The following RBM19 variants were observed in gnomAD, a reference collection of about 807,000 sequenced individuals.
RBM19 encodes the protein RNA binding motif protein 19.
RBM19 carries 94 observed loss-of-function variants against 116.8 expected under a neutral mutation model. The observed-to-expected ratio is 0.80, with a 90% CI of 0.68 to 0.95. RBM19 has a LOEUF of 0.95. Among genes scored for constraint, RBM19 ranks in the 40% least tolerant of loss-of-function variants. The pLI, the probability that RBM19 is intolerant of heterozygous loss-of-function variation, is 0.00. For missense variants in RBM19, 1,161 were observed against 1,220.7 expected (o/e 0.95, Z 0.73); for synonymous variants, 475 against 494.1 (o/e 0.96, Z 0.51).
Position 113,966,277 on chromosome 12 carries a change from C to T in RBM19, c.-50G>A. 6.2e-7 allele frequency: 1 copy of T among 1,612,314 alleles called. No homozygotes were observed. The stretch of plus-strand genomic sequence containing the variant: ...TTCCAACACGACTGGTCAGCGTCTT[C>T]CACCAAGTTTCACGCTACCGCCCTG... On this transcript the variant is annotated 5_prime_UTR_variant, in exon 1 of 24. Coordinates refer to ENST00000261741, the MANE Select transcript of RBM19 (RefSeq NM_016196.4).
At chr12:113,936,562 T>G (rs771835322) in intron 16 of RBM19, among the ~76,000 whole-genome samples, 4 of 152,110 alleles carry the variant, frequency 2.6e-5, no homozygotes, top group Non-Finnish European at 5.9e-5. Flanking sequence ...GGGGTGGGGG[T>G]TGCCCTATCT....
intron 16 of RBM19, 62 bp downstream of exon 16, chr12:113,936,945 C>T: frequency 6.3e-7 from 1 of 1,584,112 alleles, no homozygotes; most frequent in Non-Finnish European, 8.6e-7. Flanking sequence ...ACGCTGCCCC[C>T]AACCCTCCTC....
chr12:113,894,940 C>T (rs1335214381), intron 21 of RBM19, among the ~76,000 whole-genome samples: 1 of 152,192 alleles, frequency 6.6e-6, no homozygotes, highest in Non-Finnish European at 1.5e-5. Context: ...AAGCACTTCC[C>T]CAAGCCTGCT....
intron 21 of RBM19, among the ~76,000 whole-genome samples, chr12:113,865,815 T>G (rs1878753630): frequency 6.7e-6 from 1 of 149,554 alleles, no homozygotes. Context: ...AGGCAATGAA[T>G]CATCACAGCA....
At chr12:113,890,443 C>A (rs973210597) in intron 21 of RBM19, among the ~76,000 whole-genome samples, 1 of 152,186 alleles carries the variant, frequency 6.6e-6, no homozygotes, top group Non-Finnish European at 1.5e-5. Flanking sequence ...GCCGCTTGCA[C>A]CTTGCTGACA....
intron 21 of RBM19, among the ~76,000 whole-genome samples, chr12:113,911,391 A>G (rs1056053209): frequency 6.6e-6 from 1 of 152,174 alleles, no homozygotes; most frequent in Non-Finnish European, 1.5e-5. Flanking sequence ...AAAAACAAAA[A>G]CAAAACAAAC....
chr12:113,928,374 C>A (rs1355715725), intron 16 of RBM19, among the ~76,000 whole-genome samples: 1 of 148,264 alleles, frequency 6.7e-6, no homozygotes, highest in Non-Finnish European at 1.5e-5. Flanking sequence ...ACAACAACAA[C>A]AAAACCATGA....
chr12:113,962,727 A>C (rs1359406039), intron 1 of RBM19, among the ~76,000 whole-genome samples: 1 of 152,254 alleles, frequency 6.6e-6, no homozygotes, highest in Non-Finnish European at 1.5e-5. Flanking sequence ...TCTGCTACAT[A>C]GTAGATACCT....
intron 15 of RBM19, among the ~76,000 whole-genome samples, chr12:113,939,123 A>C (rs1308708289): frequency 1.3e-5 from 2 of 152,086 alleles, no homozygotes; most frequent in African/African-American, 4.8e-5. Flanking sequence ...TGGGCAAAAT[A>C]GGGAGACCTT....
At position 113,935,991 on chromosome 12, in the gene RBM19, G is replaced by A. The variant is rs564514134; in HGVS notation, c.2068+1016C>T. 1.3e-4 allele frequency among the ~76,000 whole-genome samples: 19 copies of A among 151,780 alleles called. No homozygotes were observed. The East Asian group carries it at 2.3e-3, about 19-fold the overall frequency. On this transcript the variant is annotated intron_variant, in intron 16 of 23. Coordinates refer to ENST00000261741, the MANE Select transcript of RBM19 (RefSeq NM_016196.4). ...GCAGAGGTTGCAGTGAGCCAAGATC[G>A]CGCACTCCAGCCTGGGCAACAGAGC... is the stretch of plus-strand genomic sequence containing the variant.
rs146276282 is a variant in RBM19 at position 113,835,540 on chromosome 12, G to A, written c.2785+9128C>T. On this transcript the variant is annotated intron_variant, in intron 23 of 23. Coordinates refer to ENST00000261741, the MANE Select transcript of RBM19 (RefSeq NM_016196.4). Reference sequence around the variant, plus strand: ...CTCTGGCTGGGAGGCAGTGGGGGCCGGGGTCAGTGGGGGCTGCCGGGACCA... The same window carrying A: ...CTCTGGCTGGGAGGCAGTGGGGGCCAGGGTCAGTGGGGGCTGCCGGGACCA... Among the ~76,000 whole-genome samples the A allele has an allele frequency of 1.3e-3, 196 of 152,324 alleles. 5 individuals carry two copies. The East Asian group carries it at 0.017, about 13-fold the overall frequency.
chr12:113,944,853 G>A (rs7484922), intron 13 of RBM19, among the ~76,000 whole-genome samples: 1,619 of 128,738 alleles, frequency 0.013, 1 homozygote, highest in African/African-American at 0.047. Context: ...GTATATATAT[G>A]TATATATAAA....
chr12:113,891,911 A>G (rs1004609584), intron 21 of RBM19, among the ~76,000 whole-genome samples: 3 of 152,218 alleles, frequency 2.0e-5, no homozygotes, highest in African/African-American at 7.2e-5. Flanking sequence ...ATTTCCCTGT[A>G]GAAAGCCTTT....
intron 18 of RBM19, among the ~76,000 whole-genome samples, chr12:113,924,489 G>A (rs1386660236): frequency 6.6e-6 from 1 of 152,192 alleles, no homozygotes; most frequent in East Asian, 1.9e-4. Context: ...TGACCCAAGA[G>A]GCTGCTTCGA....
chr12:113,824,856 C>A (rs571296582), intron 23 of RBM19, among the ~76,000 whole-genome samples: 2 of 152,224 alleles, frequency 1.3e-5, no homozygotes, highest in African/African-American at 4.8e-5. Flanking sequence ...TCACTAGAGA[C>A]CCCCCTCCCA....
chr12:113,818,906 A>T (rs1432512229), downstream of RBM19, among the ~76,000 whole-genome samples: 2 of 152,128 alleles, frequency 1.3e-5, no homozygotes, highest in African/African-American at 4.8e-5. Context: ...GACTGTGTGT[A>T]TCCTATAGTA....
At chr12:113,865,389 C>G (rs187534137) in intron 21 of RBM19, among the ~76,000 whole-genome samples, 1 of 152,294 alleles carries the variant, frequency 6.6e-6, no homozygotes, top group Admixed American at 6.5e-5. Context: ...TGCACACCCA[C>G]CCCTGCCTGT....
chr12:113,948,747 A>G, intron 10 of RBM19, 86 bp downstream of exon 10: 5 of 1,383,624 alleles, frequency 3.6e-6, no homozygotes, highest in Non-Finnish European at 5.0e-6. Flanking sequence ...TCGTGTGCAC[A>G]CTGGGACTTG....
At chr12:113,904,944 A>AGCCACCATC (rs1257799278) in intron 21 of RBM19, among the ~76,000 whole-genome samples, 3 of 152,184 alleles carry the variant, frequency 2.0e-5, no homozygotes, top group Admixed American at 6.5e-5. Context: ...TCCTCACCAA[A>AGCCACCATC]GCCACCATCA....
Sources: allele counts gnomAD v4.1 joint callset (sites outside exome capture counted in the v4.1 genomes callset), GRCh38; gene constraint gnomAD v4.1.1; transcripts MANE v1.5; gene names NCBI Gene and HGNC (gene_info 2026-07-23, HGNC 2026-07-21).